The following FAM177A1 variants were observed in gnomAD, a reference collection of about 807,000 sequenced individuals.
FAM177A1 encodes family with sequence similarity 177 member A1, also known as protein FAM177A1.
In FAM177A1, 22 loss-of-function variants were observed where a neutral mutation model predicts 26.1. The observed-to-expected ratio is 0.84, with a 90% CI of 0.60 to 1.20. The LOEUF (loss-of-function observed/expected upper bound fraction) is 1.20, where lower values mean the gene tolerates loss of function less well. FAM177A1 is among the 50% of genes most tolerant of loss of function. FAM177A1 has a pLI of 0.00. For synonymous variants in FAM177A1, 95 were observed against 99.3 expected (o/e 0.96, Z 0.26); for missense variants, 296 against 291.1 (o/e 1.02, Z -0.12).
At chr14:35,045,178 A>C (rs1002529747), upstream of FAM177A1, 1 of 152,214 alleles carries the variant, frequency 6.6e-6, no homozygotes. Context: ...TGATGCCACC[A>C]TACAGAGTCA....
intron 2 of FAM177A1, among the ~76,000 whole-genome samples, chr14:35,066,159 TG>T (rs1202231408): frequency 2.6e-5 from 4 of 151,950 alleles, no homozygotes; most frequent in African/African-American, 9.6e-5. Flanking sequence ...CTTGACCTCC[TG>T]GGCTCAAACG....
At chr14:35,077,373 T>C (rs548089958) in intron 3 of FAM177A1, among the ~76,000 whole-genome samples, 157 bp downstream of exon 3, 3 of 152,214 alleles carry the variant, frequency 2.0e-5, no homozygotes, top group East Asian at 3.9e-4. Context: ...TAACCTAACT[T>C]GTACTTCACA....
chr14:35,061,064 G>A (rs1000092159), intron 2 of FAM177A1, among the ~76,000 whole-genome samples: 1 of 139,726 alleles, frequency 7.2e-6, no homozygotes, highest in Non-Finnish European at 1.6e-5. Flanking sequence ...TTTATCATAG[G>A]CATGTGTATA....
intron 1 of FAM177A1, among the ~76,000 whole-genome samples, chr14:35,047,391 A>G (rs1424175463): frequency 2.0e-5 from 3 of 152,158 alleles, no homozygotes; most frequent in Admixed American, 6.5e-5. Context: ...GTTCTGGCTG[A>G]CCACATTTCA....
At chr14:35,058,130 G>A (rs2045091122) in intron 2 of FAM177A1, among the ~76,000 whole-genome samples, 2 of 152,096 alleles carry the variant, frequency 1.3e-5, no homozygotes, top group Admixed American at 1.3e-4. Flanking sequence ...CTGGAGTGCA[G>A]TGACACGATT....
intron 2 of FAM177A1, among the ~76,000 whole-genome samples, chr14:35,060,969 A>G (rs1440774490): frequency 1.3e-5 from 2 of 152,208 alleles, no homozygotes; most frequent in East Asian, 1.9e-4. Context: ...CCACATTCAT[A>G]TAACTATTAT....
At chr14:35,053,227 A>G in intron 1 of FAM177A1, 51 bp from the exon 2 acceptor site, 3 of 1,528,832 alleles carry the variant, frequency 2.0e-6, no homozygotes, top group African/African-American at 1.4e-5. Context: ...GTGTAATGAA[A>G]GAAAATTAAT....
chr14:35,046,377 T>TA lies in FAM177A1; in HGVS notation c.-86dup. 3 of 1,350,700 alleles carry TA rather than the reference T, an allele frequency of 2.2e-6. No individual in the cohort carries two copies. Among genetic ancestry groups the TA allele is most frequent in the Non-Finnish European group, 2.9e-6 (3 of 1,038,794 alleles). The allele number at this position is 1,350,700 out of a possible 1,614,324, so 83.7% of individuals were successfully genotyped here. ...CGAGTCCCCTTCTCAGAGACTTGGC[T>TA]AGGCGCGGCGCGAGGCGGGCGCTGG... On this transcript the variant is annotated 5_prime_UTR_variant, in exon 1 of 5. Transcript: ENST00000280987.
chr14:35,052,583 C>CTA (rs1475812893), intron 1 of FAM177A1, among the ~76,000 whole-genome samples: 3 of 151,814 alleles, frequency 2.0e-5, no homozygotes, highest in African/African-American at 4.8e-5. Context: ...CCATCTCCCA[C>CTA]TATATATATA....
chr14:35,070,795 TATTATA>T (rs2045309391), intron 2 of FAM177A1, among the ~76,000 whole-genome samples: 1 of 152,080 alleles, frequency 6.6e-6, no homozygotes, highest in Non-Finnish European at 1.5e-5. Flanking sequence ...ATAGGCTTAA[TATTATA>T]ATTATATTAA....
chr14:35,066,566 G>C (rs2045244479), intron 2 of FAM177A1, among the ~76,000 whole-genome samples: 1 of 151,262 alleles, frequency 6.6e-6, no homozygotes, highest in Non-Finnish European at 1.5e-5. Flanking sequence ...TACCACTCCT[G>C]GCTAATTTTT....
intron 1 of FAM177A1, among the ~76,000 whole-genome samples, chr14:35,048,138 C>T (rs759003767): frequency 6.6e-6 from 1 of 152,160 alleles, no homozygotes; most frequent in African/African-American, 2.4e-5. Context: ...AAGGAAGCCA[C>T]GTCATTTTCA....
chr14:35,051,450 T>C (rs989233449), intron 1 of FAM177A1, among the ~76,000 whole-genome samples: 1 of 152,178 alleles, frequency 6.6e-6, no homozygotes, highest in Non-Finnish European at 1.5e-5. Flanking sequence ...TCTGGCTCTG[T>C]TGCCCAGGCT....
At chr14:35,063,102 A>C (rs2045184573) in intron 2 of FAM177A1, among the ~76,000 whole-genome samples, 2 of 147,434 alleles carry the variant, frequency 1.4e-5, no homozygotes, top group Middle Eastern at 3.5e-3. Flanking sequence ...CGGAGATTGC[A>C]GTGAGCCAAG....
Position 35,061,367 on chromosome 14 carries a change from A to G in FAM177A1, c.339+7916A>G, listed in dbSNP as rs970803544. On this transcript the variant is annotated intron_variant, in intron 2 of 4. Transcript: ENST00000280987. ...GGCAATCTCTGAGCCAAGGTTTTGG[A>G]GCTGGGGGTGGGGACAATGGCTCAT... Among the ~76,000 whole-genome samples the G allele has an allele frequency of 4.1e-4, 62 of 151,194 alleles. 1 individual carries two copies. Among genetic ancestry groups the G allele is most frequent in the Non-Finnish European group, 1.0e-4 (7 of 67,858 alleles).
intron 2 of FAM177A1, among the ~76,000 whole-genome samples, chr14:35,065,308 A>G (rs2045223838): frequency 1.3e-5 from 2 of 149,808 alleles, no homozygotes; most frequent in African/African-American, 4.9e-5. Context: ...ATGGTTTAAT[A>G]TATTAAACCA....
At chr14:35,070,093 C>T (rs189096243) in intron 2 of FAM177A1, among the ~76,000 whole-genome samples, 8,939 of 110,450 alleles carry the variant, frequency 0.081, 428 homozygotes, top group Middle Eastern at 0.16. Flanking sequence ...CCAGCCTGGG[C>T]GACAGAGTGA....
At chr14:35,079,073 C>T in intron 4 of FAM177A1, 49 bp downstream of exon 4, 1 of 1,413,054 alleles carries the variant, frequency 7.1e-7, no homozygotes, top group African/African-American at 1.5e-5. Flanking sequence ...TTGCTATGGA[C>T]TTGATGGGTT....
chr14:35,060,942 CATG>C, intron 2 of FAM177A1, among the ~76,000 whole-genome samples: 1 of 152,156 alleles, frequency 6.6e-6, no homozygotes, highest in Non-Finnish European at 1.5e-5. Flanking sequence ...TACAGTACAA[CATG>C]ATATTTTGGG....
Sources: gnomAD v4.1 joint callset for allele counts (sites outside exome capture counted in the v4.1 genomes callset) on GRCh38, gnomAD v4.1.1 for gene constraint, MANE v1.5 for transcripts, NCBI Gene and HGNC (gene_info 2026-07-23, HGNC 2026-07-21) for gene names.